TPD52L1: variants seen among roughly 807,000 people sequenced by gnomAD.
TPD52L1 encodes the protein tumor protein D53.
In TPD52L1, 18 loss-of-function variants were observed where a neutral mutation model predicts 28.7. The observed-to-expected ratio is 0.63, with a 90% CI of 0.43 to 0.93. The LOEUF (loss-of-function observed/expected upper bound fraction) is 0.93, where lower values mean the gene tolerates loss of function less well. Among genes scored for constraint, TPD52L1 ranks in the 40% least tolerant of loss-of-function variants. The pLI is 0.00. For missense variants in TPD52L1, 203 were observed against 254.8 expected (o/e 0.80, Z 1.39); for synonymous variants, 75 against 88.8 (o/e 0.84, Z 0.88).
chr6:125,236,212 G>A (rs1036839155), intron 3 of TPD52L1, among the ~76,000 whole-genome samples: 1 of 152,052 alleles, frequency 6.6e-6, no homozygotes, highest in African/African-American at 2.4e-5. Context: ...TGGAAATAAG[G>A]AGTCCTAAAA....
chr6:125,158,798 A>C (rs2114731262), intron 1 of TPD52L1, among the ~76,000 whole-genome samples: 1 of 152,264 alleles, frequency 6.6e-6, no homozygotes, highest in Middle Eastern at 3.4e-3. Flanking sequence ...GTTCCAGATC[A>C]CCCCAAAGAA....
chr6:125,208,528 C>A (rs553568030), intron 1 of TPD52L1, among the ~76,000 whole-genome samples: 3 of 151,650 alleles, frequency 2.0e-5, no homozygotes, highest in Non-Finnish European at 2.9e-5. Flanking sequence ...TCAACTAATG[C>A]CTTTTTTTTT....
At chr6:125,213,014 T>C (rs1407686905) in intron 1 of TPD52L1, among the ~76,000 whole-genome samples, 1 of 152,224 alleles carries the variant, frequency 6.6e-6, no homozygotes, top group African/African-American at 2.4e-5. Flanking sequence ...CTATATATTT[T>C]ATTGCATGTA....
chr6:125,197,556 A>C (rs760340821), intron 1 of TPD52L1, among the ~76,000 whole-genome samples: 1 of 152,204 alleles, frequency 6.6e-6, no homozygotes, highest in Non-Finnish European at 1.5e-5. Flanking sequence ...CCAAAAGAAC[A>C]GACTCTTTTG....
chr6:125,208,254 A>T (rs1794282953), intron 1 of TPD52L1, among the ~76,000 whole-genome samples: 1 of 152,210 alleles, frequency 6.6e-6, no homozygotes, highest in African/African-American at 2.4e-5. Context: ...AGCAACAAAG[A>T]GTAGCCTGAT....
chr6:125,204,670 G>A (rs903675501), intron 1 of TPD52L1, among the ~76,000 whole-genome samples: 2 of 151,954 alleles, frequency 1.3e-5, no homozygotes, highest in Non-Finnish European at 2.9e-5. Flanking sequence ...TAATAGAGAC[G>A]GGGTTTCACC....
chr6:125,220,567 T>C (rs894790545), intron 2 of TPD52L1, among the ~76,000 whole-genome samples: 2 of 152,152 alleles, frequency 1.3e-5, no homozygotes, highest in East Asian at 3.9e-4. Flanking sequence ...TGGGTTCTGG[T>C]TTTAGGTCAG....
intron 1 of TPD52L1, among the ~76,000 whole-genome samples, chr6:125,205,237 A>G (rs1236216360): frequency 5.3e-5 from 8 of 152,210 alleles, no homozygotes; most frequent in African/African-American, 1.9e-4. Flanking sequence ...TTGGAATATG[A>G]TATGTCTCAA....
chr6:125,171,705 G>A (rs1379926705), intron 1 of TPD52L1, among the ~76,000 whole-genome samples: 4 of 152,108 alleles, frequency 2.6e-5, no homozygotes. Context: ...TTCTCCTCTG[G>A]TCCAGCCTCT....
chr6:125,257,237 C>A, intron 6 of TPD52L1, 79 bp downstream of exon 6: 2 of 1,240,660 alleles, frequency 1.6e-6, no homozygotes, highest in South Asian at 2.7e-5. Context: ...AGTTTAAAGT[C>A]GAGGCAGGGC....
intron 4 of TPD52L1, among the ~76,000 whole-genome samples, chr6:125,251,668 G>C (rs1797272029): frequency 6.6e-6 from 1 of 152,172 alleles, no homozygotes; most frequent in South Asian, 2.1e-4. Flanking sequence ...GTACTCAGAA[G>C]AAATCCAAGC....
rs554039169 is a variant in TPD52L1 at position 125,264,264 on chromosome 6, A to C, written c.*1302A>C. The C allele has an allele frequency of 5.9e-5, 9 of 152,180 alleles. No homozygotes were observed. The highest frequency in any genetic ancestry group is 1.3e-4 in the Non-Finnish European group (9 of 68,036). The allele number at this position is 152,180 out of a possible 1,614,324, so 9.4% of individuals were successfully genotyped here. A position where few individuals can be genotyped will look rare whatever the true frequency, so the allele number is the denominator to read the frequency against. ...AAAATGCACACTGAATAGACATCCAACCTAAAAAAAATCACTATTTAAAAA... is the reference window on the plus strand; with the variant it reads ...AAAATGCACACTGAATAGACATCCACCCTAAAAAAAATCACTATTTAAAAA... On this transcript the variant is annotated 3_prime_UTR_variant, in exon 7 of 7. Coordinates refer to ENST00000534000, the MANE Select transcript of TPD52L1 (RefSeq NM_003287.4).
chr6:125,236,447 T>C (rs927364267), intron 3 of TPD52L1, among the ~76,000 whole-genome samples: 1 of 152,196 alleles, frequency 6.6e-6, no homozygotes, highest in Admixed American at 6.5e-5. Context: ...TAGCTAGCTA[T>C]ATTTAAATTA....
intron 1 of TPD52L1, among the ~76,000 whole-genome samples, chr6:125,162,800 TGG>T (rs1473100645): frequency 1.3e-5 from 2 of 152,254 alleles, no homozygotes; most frequent in Non-Finnish European, 2.9e-5. Context: ...GCCTAGCACA[TGG>T]TAAGTAGTAT....
intron 3 of TPD52L1, among the ~76,000 whole-genome samples, chr6:125,241,891 C>G (rs1385249794): frequency 6.8e-6 from 1 of 148,044 alleles, no homozygotes; most frequent in East Asian, 2.0e-4. Context: ...TTCTGTTTCT[C>G]TAGTTCCTTG....
intron 3 of TPD52L1, among the ~76,000 whole-genome samples, chr6:125,238,460 A>G (rs1582993152): frequency 6.6e-6 from 1 of 152,144 alleles, no homozygotes; most frequent in East Asian, 1.9e-4. Context: ...CATCACCCAA[A>G]CAGTGTACAT....
At chr6:125,196,177 A>T (rs114367560) in intron 1 of TPD52L1, among the ~76,000 whole-genome samples, 1,610 of 152,282 alleles carry the variant, frequency 0.011, 29 homozygotes, top group African/African-American at 0.036. Context: ...ATTAATCATC[A>T]AAGACTCAGG....
At chr6:125,190,638 T>G (rs1355199365) in intron 1 of TPD52L1, among the ~76,000 whole-genome samples, 2 of 152,222 alleles carry the variant, frequency 1.3e-5, no homozygotes, top group Non-Finnish European at 2.9e-5. Flanking sequence ...GTCCTGAGCT[T>G]GTTTTTCTGC....
chr6:125,194,496 G>A (rs1054201579), intron 1 of TPD52L1, among the ~76,000 whole-genome samples: 2 of 152,088 alleles, frequency 1.3e-5, no homozygotes, highest in Admixed American at 6.5e-5. Context: ...TCTATGATCT[G>A]GACCAAATGT....
Sources: allele counts gnomAD v4.1 joint callset (sites outside exome capture counted in the v4.1 genomes callset), GRCh38; gene constraint gnomAD v4.1.1; transcripts MANE v1.5; gene names NCBI Gene and HGNC (gene_info 2026-07-23, HGNC 2026-07-21).